Variants in STAC observed in about 807,000 individuals in gnomAD.
STAC encodes the protein SH3 and cysteine-rich domain-containing protein.
STAC carries 43 observed loss-of-function variants against 48.8 expected under a neutral mutation model. The ratio of observed to expected loss-of-function variants is 0.88; its 90% CI spans 0.69 to 1.14. The LOEUF (loss-of-function observed/expected upper bound fraction) is 1.14. STAC is among the 50% of genes most tolerant of loss of function. The pLI is 0.00. For missense variants in STAC, 497 were observed against 504.0 expected (o/e 0.99, Z 0.13); for synonymous variants, 193 against 179.5 (o/e 1.07, Z -0.60).
At chr3:36,537,573 G>A (rs1699228936) in intron 10 of STAC, among the ~76,000 whole-genome samples, 1 of 152,076 alleles carries the variant, frequency 6.6e-6, no homozygotes, top group Admixed American at 6.6e-5. Flanking sequence ...GTGAGAGGGA[G>A]AGCATCAGGA....
rs746625339 is a variant in STAC, at chr3:36,485,029, T to G, written c.542T>G (p.Phe181Cys). ...YSSPLLIHEQ[F>C]GCIKEVMPIA... ...TCCCCCTTGCTCATTCATGAACAGT[T>G]TGGCTGCATTAAAGAAGTTATGCCC... The change falls in exon 4 of 11, where the codon TTT becomes TGT. Residue 181 changes from phenylalanine to cysteine, a missense_variant. Transcript: ENST00000273183. 1 of 1,604,202 alleles carries G rather than the reference T, an allele frequency of 6.2e-7. No individual in the cohort carries two copies. Among genetic ancestry groups the G allele is most frequent in the Non-Finnish European group, 8.5e-7 (1 of 1,175,574 alleles).
intron 1 of STAC, among the ~76,000 whole-genome samples, chr3:36,381,850 C>T (rs1233960963): frequency 6.6e-6 from 1 of 152,120 alleles, no homozygotes; most frequent in East Asian, 1.9e-4. Context: ...TAATCTAAGC[C>T]CGAAAGCTTT....
At position 36,509,833 on chromosome 3, in the gene STAC, G is replaced by A. The variant is rs142876456; in HGVS notation, c.920+3999G>A. Among the ~76,000 whole-genome samples the A allele has an allele frequency of 5.1e-3, 768 of 152,018 alleles. 2 individuals are homozygous for A. The highest frequency in any genetic ancestry group is 0.01 in the Middle Eastern group (3 of 294). The stretch of plus-strand genomic sequence containing the variant: ...CTCAAGATGGATTAAAGAGTTAAAC[G>A]TAAGACCTAAAACCATAAAAACCCT... On this transcript the variant is annotated intron_variant, in intron 8 of 10. Coordinates refer to ENST00000273183, the MANE Select transcript of STAC (RefSeq NM_003149.3).
At chr3:36,417,504 A>G (rs953882189) in intron 1 of STAC, among the ~76,000 whole-genome samples, 1 of 152,224 alleles carries the variant, frequency 6.6e-6, no homozygotes, top group African/African-American at 2.4e-5. Context: ...GTTTACAGCC[A>G]GAGTTCTCAG....
At chr3:36,381,033 G>C (rs1699500706) in intron 1 of STAC, among the ~76,000 whole-genome samples, 1 of 151,826 alleles carries the variant, frequency 6.6e-6, no homozygotes, top group Admixed American at 6.6e-5. Flanking sequence ...GGTTTTTTTT[G>C]TGCTTTGAAC....
At chr3:36,399,253 C>A (rs988077334) in intron 1 of STAC, among the ~76,000 whole-genome samples, 1 of 152,184 alleles carries the variant, frequency 6.6e-6, no homozygotes, top group Non-Finnish European at 1.5e-5. Context: ...CAGGGAGGGT[C>A]TGGATTGGGC....
chr3:36,528,061 A>G (rs1698978692), intron 8 of STAC, among the ~76,000 whole-genome samples: 1 of 152,224 alleles, frequency 6.6e-6, no homozygotes, highest in African/African-American at 2.4e-5. Flanking sequence ...GTGTGTGGGA[A>G]GGAGTCTAGA....
chr3:36,441,396 C>T (rs1034292009), intron 1 of STAC, among the ~76,000 whole-genome samples: 1 of 152,104 alleles, frequency 6.6e-6, no homozygotes, highest in Non-Finnish European at 1.5e-5. Context: ...CCTCCTGTCC[C>T]ATCCATGTTG....
At chr3:36,449,310 T>C (rs991901996) in intron 2 of STAC, among the ~76,000 whole-genome samples, 39 of 152,214 alleles carry the variant, frequency 2.6e-4, no homozygotes, top group Non-Finnish European at 2.9e-5. Context: ...ACGAATGGAT[T>C]GTAACTAAGG....
At chr3:36,382,315 C>T (rs1276059503) in intron 1 of STAC, among the ~76,000 whole-genome samples, 2 of 152,070 alleles carry the variant, frequency 1.3e-5, no homozygotes, top group African/African-American at 2.4e-5. Context: ...CTGCAGTAGG[C>T]GTGTTCTGGA....
intron 1 of STAC, among the ~76,000 whole-genome samples, chr3:36,416,012 T>C (rs1162996757): frequency 6.6e-6 from 1 of 152,230 alleles, no homozygotes; most frequent in African/African-American, 2.4e-5. Context: ...TAAAATCTAG[T>C]TGGGCTATTA....
chr3:36,391,266 C>A (rs1699746460), intron 1 of STAC, among the ~76,000 whole-genome samples: 1 of 152,172 alleles, frequency 6.6e-6, no homozygotes. Flanking sequence ...GCTCTTTGAT[C>A]CCACTGGCAA....
chr3:36,458,838 G>A (rs1269137754), intron 2 of STAC, among the ~76,000 whole-genome samples: 2 of 152,190 alleles, frequency 1.3e-5, no homozygotes, highest in East Asian at 3.8e-4. Context: ...TGATCTATAA[G>A]CCAGGACATC....
At chr3:36,483,576 A>T (rs1356793934) in intron 3 of STAC, among the ~76,000 whole-genome samples, 1 of 152,128 alleles carries the variant, frequency 6.6e-6, no homozygotes, top group Non-Finnish European at 1.5e-5. Flanking sequence ...CTCCCAAACC[A>T]AGGGAGATTG....
intron 1 of STAC, among the ~76,000 whole-genome samples, chr3:36,437,931 G>GTTA (rs146079093): frequency 0.1 from 14,457 of 140,418 alleles, 935 homozygotes; most frequent in African/African-American, 0.17. Flanking sequence ...TATTCATTGA[G>GTTA]TTATTATTAT....
chr3:36,501,151 A>T, intron 6 of STAC, among the ~76,000 whole-genome samples: 1 of 152,336 alleles, frequency 6.6e-6, no homozygotes, highest in East Asian at 1.9e-4. Flanking sequence ...ACTGGAATAT[A>T]TTTAAAGCTA....
intron 6 of STAC, among the ~76,000 whole-genome samples, chr3:36,495,117 T>C (rs1193938826): frequency 1.3e-5 from 2 of 152,228 alleles, no homozygotes; most frequent in East Asian, 1.9e-4. Flanking sequence ...TTAATGCTCA[T>C]GTGATCCCAA....
At chr3:36,480,537 C>A (rs530597431) in intron 2 of STAC, among the ~76,000 whole-genome samples, 1 of 152,260 alleles carries the variant, frequency 6.6e-6, no homozygotes, top group African/African-American at 2.4e-5. Context: ...ATTTTATCAT[C>A]CAGTTAGCCC....
chr3:36,442,339 C>T (rs1696372175), intron 1 of STAC, among the ~76,000 whole-genome samples: 1 of 152,194 alleles, frequency 6.6e-6, no homozygotes. Context: ...AAAGAACTCC[C>T]ATGGATATTC....
Sources: gnomAD v4.1 joint callset for allele counts (sites outside exome capture counted in the v4.1 genomes callset) on GRCh38, gnomAD v4.1.1 for gene constraint, MANE v1.5 for transcripts, NCBI Gene and HGNC (gene_info 2026-07-23, HGNC 2026-07-21) for gene names.